The following FREM1 variants were observed in gnomAD, a reference collection of about 807,000 sequenced individuals.
FREM1 encodes FRAS1-related extracellular matrix protein 1.
A neutral mutation model predicts 210.1 loss-of-function variants in FREM1; 220 were observed. The ratio of observed to expected loss-of-function variants is 1.05; its 90% CI spans 0.94 to 1.17. FREM1 has a LOEUF of 1.17. FREM1 is among the 50% of genes most tolerant of loss of function. The pLI is 0.00. For missense variants in FREM1, 3,454 were observed against 2,675.5 expected (o/e 1.29, Z -6.42); for synonymous variants, 1,189 against 980.2 (o/e 1.21, Z -3.98).
At chr9:14,779,643 G>A in intron 24 of FREM1, 1 of 193,100 alleles carries the variant, frequency 5.2e-6, no homozygotes, top group Non-Finnish European at 9.5e-6. Context: ...TATGATCCAG[G>A]CTGTCCATCT....
At chr9:14,834,311 T>A (rs2642416) in intron 10 of FREM1, among the ~76,000 whole-genome samples, 1 of 151,934 alleles carries the variant, frequency 6.6e-6, no homozygotes, top group Non-Finnish European at 1.5e-5. Flanking sequence ...GCACTACACC[T>A]TCTTCTCCCA....
At chr9:14,861,052 T>TACACATATAC (rs1204225019) in intron 3 of FREM1, among the ~76,000 whole-genome samples, 4 of 72,916 alleles carry the variant, frequency 5.5e-5, no homozygotes, top group African/African-American at 7.2e-5. Context: ...TATACATATA[T>TACACATATAC]ACATATATAC....
chr9:14,779,464 G>A (rs2132728500), intron 24 of FREM1: 1 of 984,922 alleles, frequency 1.0e-6, no homozygotes, highest in South Asian at 4.7e-5. Flanking sequence ...GCAAGCTTGA[G>A]TGAGTGCCAG....
At position 14,737,523 on chromosome 9, in the gene FREM1, C is replaced by T; in HGVS notation, c.6413G>A (p.Arg2138Lys). 3.1e-6 allele frequency: 5 copies of T among 1,612,264 alleles called. No homozygotes were observed. Among genetic ancestry groups the T allele is most frequent in the South Asian group, 1.1e-5 (1 of 90,746 alleles). The stretch of plus-strand genomic sequence containing the variant: ...CTTGGAGCGTTGAGAGGGCCCTCTT[C>T]TCCCATTGGTGAAGGCAACAGGTTC... ...GGEPVAFTNGRRGPSQRSKLG... is the reference protein window; with the variant it reads ...GGEPVAFTNGKRGPSQRSKLG... Residue 2138 changes from arginine (R) to lysine (K), a missense_variant, in exon 37 of 37, where the codon AGA becomes AAA. Arg to Lys is a conservative substitution (Grantham distance 26). Coordinates refer to ENST00000380880, the MANE Select transcript of FREM1 (RefSeq NM_001379081.2).
At chr9:14,778,607 C>CAAAAAA (rs1169611171) in intron 24 of FREM1, among the ~76,000 whole-genome samples, 7 of 31,244 alleles carry the variant, frequency 2.2e-4, no homozygotes, top group African/African-American at 8.8e-4. Context: ...GAACCTGTCT[C>CAAAAAA]AAAAAAAAAA....
At chr9:14,899,491 G>A (rs1366731874) in intron 1 of FREM1, among the ~76,000 whole-genome samples, 1 of 152,200 alleles carries the variant, frequency 6.6e-6, no homozygotes, top group Admixed American at 6.5e-5. Flanking sequence ...ATCACAGGCT[G>A]CAAATAAAGT....
At position 14,815,680 on chromosome 9, in the gene FREM1, C is replaced by G. The variant is rs151110930; in HGVS notation, c.2640+1098G>C. Among the ~76,000 whole-genome samples, 5 of 152,302 alleles carry G rather than the reference C, an allele frequency of 3.3e-5. No homozygotes were observed. The East Asian group carries it at 9.6e-4, about 29-fold the overall frequency. ...TTGTTTTTTTTGAGTCAGAGTCTCG[C>G]TCTGTTGCCCAGGCTGGAGTGCAGT... On this transcript the variant is annotated intron_variant, in intron 15 of 36. Transcript: ENST00000380880.
intron 35 of FREM1, among the ~76,000 whole-genome samples, chr9:14,742,143 A>C (rs1042064675): frequency 1.3e-5 from 2 of 152,218 alleles, no homozygotes; most frequent in African/African-American, 4.8e-5. Flanking sequence ...GTATAGGTGT[A>C]TATATGGATA....
intron 20 of FREM1, among the ~76,000 whole-genome samples, chr9:14,798,048 T>C (rs1009048797): frequency 2.0e-4 from 31 of 152,242 alleles, no homozygotes; most frequent in Admixed American, 2.0e-3. Flanking sequence ...TGTAACTGTT[T>C]TTTTTAAATC....
At chr9:14,788,873 A>G (rs1563929743) in intron 23 of FREM1, 46 bp downstream of exon 23, 2 of 1,472,114 alleles carry the variant, frequency 1.4e-6, no homozygotes, top group Non-Finnish European at 1.9e-6. Flanking sequence ...TACTTATACC[A>G]GTTAGCAAAG....
chr9:14,819,106 G>C, intron 14 of FREM1, 128 bp downstream of exon 14: 1 of 559,738 alleles, frequency 1.8e-6, no homozygotes. Flanking sequence ...CTGACCCGTT[G>C]AGTGTGTTAA....
At chr9:14,760,940 T>G (rs1194362738) in intron 27 of FREM1, among the ~76,000 whole-genome samples, 1 of 152,226 alleles carries the variant, frequency 6.6e-6, no homozygotes, top group African/African-American at 2.4e-5. Context: ...TGCACCTCCA[T>G]TGTTTTTTAT....
At chr9:14,752,110 G>A (rs999234068) in intron 29 of FREM1, among the ~76,000 whole-genome samples, 1 of 151,630 alleles carries the variant, frequency 6.6e-6, no homozygotes, top group Non-Finnish European at 1.5e-5. Context: ...TAGATGCTAT[G>A]GAGAATACCA....
intron 25 of FREM1, among the ~76,000 whole-genome samples, chr9:14,771,953 T>C (rs1372088526): frequency 6.6e-6 from 1 of 152,076 alleles, no homozygotes; most frequent in Non-Finnish European, 1.5e-5. Context: ...CTATACATAA[T>C]GTTTGTATAG....
chr9:14,752,716 C>T (rs894826594), intron 29 of FREM1, among the ~76,000 whole-genome samples: 3 of 152,096 alleles, frequency 2.0e-5, no homozygotes, highest in Admixed American at 1.3e-4. Flanking sequence ...ATTATTAGTA[C>T]TTGGAGAACT....
chr9:14,844,832 G>A (rs971287017), intron 8 of FREM1, among the ~76,000 whole-genome samples: 2 of 152,168 alleles, frequency 1.3e-5, no homozygotes, highest in Admixed American at 1.3e-4. Context: ...CTTAGATCAT[G>A]ACTTCTTTCA....
chr9:14,747,455 A>G (rs762711532), intron 32 of FREM1, 27 bp from the exon 33 acceptor site: 16 of 1,600,656 alleles, frequency 1.0e-5, no homozygotes, highest in African/African-American at 2.7e-5. Flanking sequence ...ATCAACAACA[A>G]TAAGGAAAAA....
chr9:14,873,391 G>A (rs7855590), intron 1 of FREM1, among the ~76,000 whole-genome samples: 5,113 of 152,212 alleles, frequency 0.034, 287 homozygotes, highest in African/African-American at 0.11. Context: ...TCCTGGTTTA[G>A]TCTTCGGAGG....
At chr9:14,797,429 T>G (rs887223556) in intron 21 of FREM1, 69 bp downstream of exon 21, 5 of 1,328,432 alleles carry the variant, frequency 3.8e-6, no homozygotes, top group East Asian at 2.4e-5. Flanking sequence ...CACACACACC[T>G]GTACCTAGTA....
Sources: gnomAD v4.1 joint callset for allele counts (sites outside exome capture counted in the v4.1 genomes callset) on GRCh38, gnomAD v4.1.1 for gene constraint, MANE v1.5 for transcripts, NCBI Gene and HGNC (gene_info 2026-07-23, HGNC 2026-07-21) for gene names.